DHRS3: variants seen among roughly 807,000 people sequenced by gnomAD.
DHRS3 encodes the protein short-chain dehydrogenase/reductase 3.
DHRS3 carries 14 observed loss-of-function variants against 27.2 expected under a neutral mutation model. The ratio of observed to expected loss-of-function variants is 0.52; its 90% CI spans 0.34 to 0.81. The LOEUF is 0.81. Among genes scored for constraint, DHRS3 ranks in the 30% least tolerant of loss-of-function variants. DHRS3 has a pLI of 0.01. For synonymous variants in DHRS3, 165 were observed against 175.9 expected (o/e 0.94, Z 0.49); for missense variants, 322 against 406.2 (o/e 0.79, Z 1.78).
intron 1 of DHRS3, among the ~76,000 whole-genome samples, chr1:12,582,601 G>GA (rs1276911851): frequency 6.6e-6 from 1 of 152,088 alleles, no homozygotes; most frequent in Admixed American, 6.5e-5. Context: ...TCATGGAAAA[G>GA]AAAAAAGACA....
intron 1 of DHRS3, among the ~76,000 whole-genome samples, chr1:12,587,220 G>A (rs1646704424): frequency 6.8e-6 from 1 of 146,572 alleles, no homozygotes; most frequent in South Asian, 2.1e-4. Context: ...ATGACTCACT[G>A]CAGCCTCCAT....
At position 12,572,736 on chromosome 1, in the gene DHRS3, G is replaced by A. The variant is rs749417085; in HGVS notation, c.816C>T (p.Ile272=). ...LLPWTMHALV[I]LKSILPQAAL... is the part of the protein sequence containing the mutation. The stretch of plus-strand genomic sequence containing the variant: ...CTTTCCCAGCCCCATACCTTTTCAA[G>A]ATAACGAGGGCATGCATTGTCCATG... The change falls in exon 5 of 6, where the codon ATC becomes ATT. Residue 272 remains isoleucine, a synonymous_variant. Transcript: ENST00000616661. The A allele has an allele frequency of 6.2e-6, 10 of 1,601,970 alleles. No individual in the cohort carries two copies. In the East Asian group the frequency reaches 2.2e-4, roughly 36 times the overall value.
intron 4 of DHRS3, among the ~76,000 whole-genome samples, chr1:12,573,422 T>C (rs1485125501): frequency 6.6e-6 from 1 of 152,230 alleles, no homozygotes; most frequent in Non-Finnish European, 1.5e-5. Flanking sequence ...TGTTTCCTTG[T>C]CAGTGGCCTG....
At chr1:12,579,992 AC>A (rs1646629555) in intron 2 of DHRS3, 1 of 191,570 alleles carries the variant, frequency 5.2e-6, no homozygotes, top group Non-Finnish European at 1.1e-5. Context: ...GGGGAAGAGA[AC>A]TGCGTCTCTG....
chr1:12,597,436 C>G (rs542861427), intron 1 of DHRS3, among the ~76,000 whole-genome samples: 7 of 152,250 alleles, frequency 4.6e-5, no homozygotes, highest in Non-Finnish European at 7.3e-5. Context: ...CAGCTGAACT[C>G]CAGCCCTGAT....
intron 1 of DHRS3, among the ~76,000 whole-genome samples, chr1:12,609,479 C>A (rs905514553): frequency 1.1e-4 from 16 of 152,186 alleles, no homozygotes; most frequent in African/African-American, 3.9e-4. Context: ...ACCCTCAGCC[C>A]AGACACTTCC....
chr1:12,596,471 A>C (rs1359722521), intron 1 of DHRS3, among the ~76,000 whole-genome samples: 1 of 152,026 alleles, frequency 6.6e-6, no homozygotes, highest in Non-Finnish European at 1.5e-5. Flanking sequence ...GCTTCCAGGT[A>C]TAAAGAGGTA....
intron 1 of DHRS3, among the ~76,000 whole-genome samples, chr1:12,615,710 C>T (rs1646939953): frequency 6.6e-6 from 1 of 152,182 alleles, no homozygotes; most frequent in African/African-American, 2.4e-5. Context: ...CCCCAAAGGA[C>T]ACCCTCATCT....
intron 1 of DHRS3, among the ~76,000 whole-genome samples, chr1:12,589,088 T>C (rs1646723381): frequency 6.6e-6 from 1 of 152,212 alleles, no homozygotes; most frequent in African/African-American, 2.4e-5. Context: ...AATCCATCCC[T>C]GTGGTCAGAT....
At chr1:12,605,582 C>T (rs753792684) in intron 1 of DHRS3, among the ~76,000 whole-genome samples, 15 of 152,024 alleles carry the variant, frequency 9.9e-5, no homozygotes, top group African/African-American at 1.9e-4. Flanking sequence ...AAGGAAAATG[C>T]GTATTACGAA....
chr1:12,594,077 G>A lies in DHRS3; in HGVS notation c.196-13411C>T, dbSNP rs897678514. 1.3e-5 allele frequency among the ~76,000 whole-genome samples: 2 copies of A among 152,186 alleles called. No individual in the cohort carries two copies. The highest frequency in any genetic ancestry group is 2.9e-5 in the Non-Finnish European group (2 of 68,038). ...GCTGGAAAGTGCTGGGTGACCTTGGGGTGGGGGTGCCAAGGAGAGGAGGGA... is the reference window on the plus strand; with the variant it reads ...GCTGGAAAGTGCTGGGTGACCTTGGAGTGGGGGTGCCAAGGAGAGGAGGGA... On this transcript the variant is annotated intron_variant, in intron 1 of 5. Transcript: ENST00000616661. The surrounding 1 kb of genome is among the most constrained non-coding windows in gnomAD (Gnocchi z 4.1).
Position 12,592,660 on chromosome 1 carries a change from C to T in DHRS3, c.196-11994G>A, listed in dbSNP as rs568045772. Among the ~76,000 whole-genome samples, 1 of 152,232 alleles carries T rather than the reference C, an allele frequency of 6.6e-6. No individual in the cohort carries two copies. The highest frequency in any genetic ancestry group is 1.9e-4 in the East Asian group (1 of 5,170). ...AGAGCAGCTTTGGTGTTTTGGGCCA[C>T]ACAGCTGGTGGTCATTTGTTGTGCC... On this transcript the variant is annotated intron_variant, in intron 1 of 5. Coordinates refer to ENST00000616661, the MANE Select transcript of DHRS3 (RefSeq NM_004753.7). This position sits in a 1 kb window ranked among gnomAD's most constrained non-coding sequence, Gnocchi z 4.2.
intron 1 of DHRS3, among the ~76,000 whole-genome samples, chr1:12,599,485 C>T (rs547251795): frequency 2.0e-3 from 303 of 152,334 alleles, no homozygotes; most frequent in African/African-American, 6.8e-3. Flanking sequence ...GTGGGCTGGT[C>T]GTGCATCCTG....
intron 1 of DHRS3, chr1:12,616,598 T>A: frequency 1.0e-6 from 1 of 986,454 alleles, no homozygotes; most frequent in South Asian, 4.7e-5. Context: ...CACCTGGGCC[T>A]CTCAGTGTCG....
rs553630712 is a variant in DHRS3, at chr1:12,581,681, G to A, written c.196-1015C>T. On this transcript the variant is annotated intron_variant, in intron 1 of 5. Transcript: ENST00000616661. ...TAACCTTGACCTAACGGAGGACGACGCACCTCCCCACGATGTGTCACTGGG... is the reference window on the plus strand; with the variant it reads ...TAACCTTGACCTAACGGAGGACGACACACCTCCCCACGATGTGTCACTGGG... 1.1e-4 allele frequency among the ~76,000 whole-genome samples: 16 copies of A among 152,280 alleles called. 1 individual carries two copies. The highest frequency in any genetic ancestry group is 4.4e-5 in the Non-Finnish European group (3 of 68,034).
chr1:12,605,500 G>T (rs925405355), intron 1 of DHRS3, among the ~76,000 whole-genome samples: 2 of 152,160 alleles, frequency 1.3e-5, no homozygotes, highest in Non-Finnish European at 2.9e-5. Context: ...ACCATGTATA[G>T]TAATAGTGCC....
intron 1 of DHRS3, among the ~76,000 whole-genome samples, chr1:12,606,102 C>T (rs1646868708): frequency 6.9e-6 from 1 of 143,932 alleles, no homozygotes; most frequent in Admixed American, 7.1e-5. Flanking sequence ...CATGTCACTG[C>T]ACTCCAGCCT....
Position 12,592,482 on chromosome 1 carries a change from C to T in DHRS3, c.196-11816G>A, listed in dbSNP as rs753226555. On this transcript the variant is annotated intron_variant, in intron 1 of 5. Coordinates refer to ENST00000616661, the MANE Select transcript of DHRS3 (RefSeq NM_004753.7). The surrounding 1 kb of genome is among the most constrained non-coding windows in gnomAD (Gnocchi z 4.2). ...GGCCGCGTGAAGATGGAAGCAGAGA[C>T]GGCAGTGAGGCGGCCACAAGCCACG... 2.5e-4 allele frequency among the ~76,000 whole-genome samples: 38 copies of T among 152,142 alleles called. No homozygotes were observed. Among genetic ancestry groups the T allele is most frequent in the Admixed American group, 2.0e-4 (3 of 15,288 alleles).
At chr1:12,606,784 C>T (rs139112870) in intron 1 of DHRS3, among the ~76,000 whole-genome samples, 1,713 of 152,176 alleles carry the variant, frequency 0.011, 41 homozygotes, top group African/African-American at 0.039. Flanking sequence ...TGTGAGCCAC[C>T]GTGCCCAGCT....
Sources: allele counts gnomAD v4.1 joint callset (sites outside exome capture counted in the v4.1 genomes callset), GRCh38; gene constraint gnomAD v4.1.1; non-coding constraint Gnocchi (gnomAD v3.1); transcripts MANE v1.5; gene names NCBI Gene and HGNC (gene_info 2026-07-23, HGNC 2026-07-21).